Variants in RSF1 observed in about 807,000 individuals in gnomAD.
The protein encoded by RSF1 is HBV pX-associated protein 8.
A neutral mutation model predicts 145.2 loss-of-function variants in RSF1; 13 were observed. The ratio of observed to expected loss-of-function variants is 0.09; its 90% CI spans 0.06 to 0.14. RSF1 has a LOEUF of 0.14. Ranked by LOEUF, RSF1 falls within the 10% of genes least tolerant of loss-of-function variation. The probability of loss-of-function intolerance (pLI) is 1.00; values close to 1 mark genes in which losing one functional copy is unlikely to be tolerated. For missense variants in RSF1, 1,517 were observed against 1,718.2 expected (o/e 0.88, Z 2.07); for synonymous variants, 577 against 592.6 (o/e 0.97, Z 0.38).
chr11:77,708,523 C>T (rs979731672), intron 5 of RSF1, among the ~76,000 whole-genome samples: 2 of 152,152 alleles, frequency 1.3e-5, no homozygotes, highest in African/African-American at 4.8e-5. Context: ...ATCCTCTAGC[C>T]CACTCAGAAA....
rs1483332159 is a variant in RSF1, at chr11:77,701,016, C to T, written c.2213G>A (p.Arg738Lys). Reference protein sequence around the residue: ...RQKEGIKLTIRISSRKKKPDS... With the variant: ...RQKEGIKLTIKISSRKKKPDS... ...GGGCTTCTTTTTCCGACTTGATATC[C>T]TGATTGTTAATTTGATGCCCTCTTT... The change falls in exon 6 of 16, where the codon AGG becomes AAG. Residue 738 changes from arginine to lysine, a missense_variant. Coordinates refer to ENST00000308488, the MANE Select transcript of RSF1 (RefSeq NM_016578.4). The T allele has an allele frequency of 4.3e-6, 7 of 1,613,586 alleles. No individual in the cohort carries two copies. Among genetic ancestry groups the T allele is most frequent in the Non-Finnish European group, 5.9e-6 (7 of 1,180,014 alleles).
intron 5 of RSF1, among the ~76,000 whole-genome samples, chr11:77,713,242 A>C (rs1960728048): frequency 6.6e-6 from 1 of 152,144 alleles, no homozygotes; most frequent in African/African-American, 2.4e-5. Flanking sequence ...CCTATACAAA[A>C]CACTCACGGG....
At chr11:77,833,004 T>C in the RSF1 span, among the ~76,000 whole-genome samples, 9 of 91,244 alleles carry the variant, frequency 9.9e-5, 2 homozygotes, top group African/African-American at 3.9e-4. Flanking sequence ...TGTGTATATA[T>C]ATATATTTTT....
At chr11:77,703,667 A>T (rs958057718) in intron 5 of RSF1, 2 of 152,212 alleles carry the variant, frequency 1.3e-5, no homozygotes, top group African/African-American at 2.4e-5. Context: ...GCCAAGAACC[A>T]TTTAGAACCA....
chr11:77,837,121 TTTTTTGTTTG>T, the RSF1 span, among the ~76,000 whole-genome samples: 1 of 152,166 alleles, frequency 6.6e-6, no homozygotes, highest in Non-Finnish European at 1.5e-5. Context: ...TTTGTTTGAG[TTTTTTGTTTG>T]TTTGTTTGCT....
chr11:77,701,816 G>C lies in RSF1; in HGVS notation c.1413C>G (p.Ser471Arg). The C allele has an allele frequency of 6.2e-7, 1 of 1,614,020 alleles. No individual in the cohort carries two copies. The highest frequency in any genetic ancestry group is 8.5e-7 in the Non-Finnish European group (1 of 1,179,972). ...TATTTCTGTCCTTAGAGGGGCTATA[G>C]CTCTCTTCCTTTGTCTCATAAAACT... ...ETKFYETKEE[S>R]YSPSKDRNII... is the part of the protein sequence containing the mutation. Residue 471 changes from serine to arginine, a missense_variant, in exon 6 of 16, where the codon AGC becomes AGG. Ser to Arg is a moderately radical substitution (Grantham distance 110). Transcript: ENST00000308488.
In RSF1 at chr11:77,758,210, T is replaced by C. The variant is rs147371128; in HGVS notation, c.279+6388A>G. Among the ~76,000 whole-genome samples, 7 of 151,876 alleles carry C rather than the reference T, an allele frequency of 4.6e-5. No individual in the cohort carries two copies. In the East Asian group the frequency reaches 5.8e-4, roughly 13 times the overall value. ...TTAGGAAAGCAATAACAAGTCTACA[T>C]GGTTTTACCACTCACAAAAGAACTT... On this transcript the variant is annotated intron_variant, in intron 2 of 15. Coordinates refer to ENST00000308488, the MANE Select transcript of RSF1 (RefSeq NM_016578.4).
chr11:77,839,163 G>A, the RSF1 span, among the ~76,000 whole-genome samples: 1 of 152,108 alleles, frequency 6.6e-6, no homozygotes, highest in Non-Finnish European at 1.5e-5. Context: ...TTTGGAGACA[G>A]AGTCTTGCTC....
intron 1 of RSF1, among the ~76,000 whole-genome samples, chr11:77,801,600 G>A (rs116847236): frequency 4.9e-4 from 75 of 152,068 alleles, no homozygotes; most frequent in Non-Finnish European, 7.9e-4. Context: ...GCAATTTCCT[G>A]AGCAATGGGG....
At chr11:77,703,450 A>C (rs1960470986) in intron 5 of RSF1, 1 of 152,192 alleles carries the variant, frequency 6.6e-6, no homozygotes, top group Admixed American at 6.5e-5. Context: ...GCTACTGAAA[A>C]ACCTAATTCT....
intron 1 of RSF1, among the ~76,000 whole-genome samples, chr11:77,811,735 T>C (rs1466113386): frequency 1.3e-5 from 2 of 152,150 alleles, no homozygotes; most frequent in East Asian, 3.8e-4. Flanking sequence ...CAAGGTTGAA[T>C]ATAAAAGGGG....
Position 77,678,084 on chromosome 11 carries a change from A to ACCT in RSF1, c.3132_3133+1dup, listed in dbSNP as rs1959758500. The ACCT allele has an allele frequency of 3.1e-6, 5 of 1,609,824 alleles. No individual in the cohort carries two copies. Among genetic ancestry groups the ACCT allele is most frequent in the Non-Finnish European group, 8.5e-7 (1 of 1,177,018 alleles). The stretch of plus-strand genomic sequence containing the variant: ...GAAGAAGAGAGAACGACAAACACAT[A>ACCT]CCTCCTCCATCGGCTTCTTTGATGT... On this transcript the variant is annotated splice_donor_variant, in intron 12 of 15. Coordinates refer to ENST00000308488, the MANE Select transcript of RSF1 (RefSeq NM_016578.4). LOFTEE classifies it high-confidence loss of function.
intron 4 of RSF1, chr11:77,734,464 T>C: frequency 1.3e-6 from 2 of 1,579,632 alleles, no homozygotes; most frequent in Non-Finnish European, 1.7e-6. Context: ...TACGGGGAAA[T>C]TAGCCGAGGC....
intron 1 of RSF1, among the ~76,000 whole-genome samples, chr11:77,773,323 G>T (rs1948307441): frequency 6.6e-6 from 1 of 151,224 alleles, no homozygotes; most frequent in South Asian, 2.1e-4. Context: ...CCAATTACAT[G>T]CCCAGCACTG....
intron 2 of RSF1, among the ~76,000 whole-genome samples, chr11:77,758,480 T>C (rs1157203423): frequency 6.6e-6 from 1 of 152,192 alleles, no homozygotes; most frequent in Non-Finnish European, 1.5e-5. Context: ...GTGGAATTGC[T>C]AGGTCATATG....
At chr11:77,668,811 G>A (rs755595943) in intron 15 of RSF1, among the ~76,000 whole-genome samples, 3 of 152,122 alleles carry the variant, frequency 2.0e-5, no homozygotes, top group Middle Eastern at 3.4e-3. Context: ...TGATATCTGC[G>A]GGGATCCTGA....
chr11:77,667,375 C>CCTG lies in RSF1; in HGVS notation c.3867_3868insCAG (p.Glu1289_Glu1290insGln), dbSNP rs754443597. On this transcript the variant is annotated inframe_insertion, in exon 16 of 16. Transcript: ENST00000308488. The stretch of plus-strand genomic sequence containing the variant: ...TTGCGGGATGGTTTGCCTTCCTCTT[C>CCTG]CTCCTCCTCCTCATCTGCTTCTGAA... The CCTG allele has an allele frequency of 1.6e-5, 25 of 1,605,884 alleles. No homozygotes were observed. In the South Asian group the frequency reaches 2.0e-4, roughly 13 times the overall value.
chr11:77,767,213 C>G (rs1489642284), intron 1 of RSF1, among the ~76,000 whole-genome samples: 1 of 152,134 alleles, frequency 6.6e-6, no homozygotes, highest in Non-Finnish European at 1.5e-5. Context: ...AAACCAAGGT[C>G]ACTTTCTTCA....
At chr11:77,792,313 T>G (rs961210709) in intron 1 of RSF1, among the ~76,000 whole-genome samples, 1 of 152,096 alleles carries the variant, frequency 6.6e-6, no homozygotes, top group African/African-American at 2.4e-5. Flanking sequence ...GAATTCAAGA[T>G]GAGATTTGGG....
Sources: gnomAD v4.1 joint callset for allele counts (sites outside exome capture counted in the v4.1 genomes callset) on GRCh38, gnomAD v4.1.1 for gene constraint, MANE v1.5 for transcripts, NCBI Gene and HGNC (gene_info 2026-07-23, HGNC 2026-07-21) for gene names.